Variants in UGT1A8 observed in about 807,000 individuals in gnomAD.
UGT1A8 encodes the protein UDP glucuronosyltransferase family 1 member A8.
In UGT1A8, 39 loss-of-function variants were observed where a neutral mutation model predicts 45.3. The observed-to-expected ratio is 0.86, with a 90% CI of 0.67 to 1.12. The LOEUF (loss-of-function observed/expected upper bound fraction) is 1.12. UGT1A8 is among the 50% of genes most tolerant of loss of function. The pLI is 0.00. For synonymous variants in UGT1A8, 275 were observed against 249.2 expected (o/e 1.10, Z -0.97); for missense variants, 719 against 664.9 (o/e 1.08, Z -0.90).
chr2:233,711,711 G>T (rs2076193469), intron 1 of UGT1A8, among the ~76,000 whole-genome samples: 1 of 152,232 alleles, frequency 6.6e-6, no homozygotes, highest in Admixed American at 6.5e-5. Context: ...CCTAAGGGAA[G>T]CCTCAGCTTC....
At chr2:233,766,980 A>G (rs1699299686) in intron 1 of UGT1A8, 54 bp from the exon 2 acceptor site, 14 of 1,612,720 alleles carry the variant, frequency 8.7e-6, no homozygotes, top group Non-Finnish European at 1.1e-5. Flanking sequence ...TACTGTATGT[A>G]GTCATCAAAG....
intron 1 of UGT1A8, chr2:233,690,772 CACAT>C (rs1408183947): frequency 4.5e-5 from 49 of 1,080,518 alleles, no homozygotes; most frequent in Admixed American, 2.5e-4. Flanking sequence ...CACACACACA[CACAT>C]ACACACACAC....
intron 1 of UGT1A8, chr2:233,754,496 G>T: frequency 2.8e-6 from 1 of 356,968 alleles, no homozygotes; most frequent in South Asian, 2.1e-5. Flanking sequence ...CCTAAAAAAA[G>T]TCCGCTATTC....
chr2:233,764,999 A>G (rs984767809), intron 1 of UGT1A8, among the ~76,000 whole-genome samples: 8 of 151,978 alleles, frequency 5.3e-5, no homozygotes, highest in Admixed American at 1.3e-4. Flanking sequence ...TTTCCTGGTC[A>G]TGTTCCAAAT....
At chr2:233,660,945 T>C (rs2073950365) in intron 1 of UGT1A8, among the ~76,000 whole-genome samples, 1 of 152,134 alleles carries the variant, frequency 6.6e-6, no homozygotes, top group South Asian at 2.1e-4. Context: ...TGCCATTAAA[T>C]TCTCCAGCTT....
intron 1 of UGT1A8, among the ~76,000 whole-genome samples, chr2:233,734,828 G>A (rs1303318660): frequency 6.6e-6 from 1 of 152,222 alleles, no homozygotes; most frequent in African/African-American, 2.4e-5. Flanking sequence ...GCGATTTTGA[G>A]TGAGTTTCTT....
At chr2:233,668,035 G>A (rs924754723) in intron 1 of UGT1A8, among the ~76,000 whole-genome samples, 6 of 149,228 alleles carry the variant, frequency 4.0e-5, no homozygotes, top group African/African-American at 5.0e-5. Flanking sequence ...TTCCCCTATT[G>A]CTAAATGTTA....
chr2:233,664,035 C>T (rs552312767), intron 1 of UGT1A8, among the ~76,000 whole-genome samples: 44 of 152,266 alleles, frequency 2.9e-4, no homozygotes, highest in Middle Eastern at 3.4e-3. Flanking sequence ...GCCAGATACC[C>T]TAGGTCATCA....
Position 233,769,781 on chromosome 2 carries a change from G to A in UGT1A8, c.1295+1342G>A. On this transcript the variant is annotated intron_variant, in intron 4 of 4. Coordinates refer to ENST00000373450, the MANE Select transcript of UGT1A8 (RefSeq NM_019076.5). The surrounding 1 kb of genome is among the most constrained non-coding windows in gnomAD (Gnocchi z 4.4). ...AAGGCGGGAGGATTGCTTGAGCCCAGAAGTTGGAGGCTGCTATGAGCCGTG... is the reference window on the plus strand; with the variant it reads ...AAGGCGGGAGGATTGCTTGAGCCCAAAAGTTGGAGGCTGCTATGAGCCGTG... 1 of 1,329,528 alleles carries A rather than the reference G, an allele frequency of 7.5e-7. No homozygotes were observed. The highest frequency in any genetic ancestry group is 9.9e-7 in the Non-Finnish European group (1 of 1,014,222). 82.4% of individuals were successfully genotyped at this position (1,329,528 alleles called of 1,614,324 possible). A position where few individuals can be genotyped will look rare whatever the true frequency, so the allele number is the denominator to read the frequency against.
At position 233,620,011 on chromosome 2, in the gene UGT1A8, C is replaced by G. The variant is rs569397845; in HGVS notation, c.855+1449C>G. On this transcript the variant is annotated intron_variant, in intron 1 of 4. Coordinates refer to ENST00000373450, the MANE Select transcript of UGT1A8 (RefSeq NM_019076.5). Reference sequence around the variant, plus strand: ...GCATAGTTGCTAAATCCAGATGAAACACCTGGTGTCTCATCTCATTATATT... The same window carrying G: ...GCATAGTTGCTAAATCCAGATGAAAGACCTGGTGTCTCATCTCATTATATT... Among the ~76,000 whole-genome samples, 40 of 152,240 alleles carry G rather than the reference C, an allele frequency of 2.6e-4. No homozygotes were observed. In the South Asian group the frequency reaches 8.1e-3, roughly 31 times the overall value.
At chr2:233,746,083 T>C (rs1367851746) in intron 1 of UGT1A8, among the ~76,000 whole-genome samples, 2 of 151,832 alleles carry the variant, frequency 1.3e-5, no homozygotes, top group Admixed American at 1.3e-4. Flanking sequence ...GAGTCACTTC[T>C]ATACAGAAAC....
At chr2:233,643,531 A>T (rs2073515833) in intron 1 of UGT1A8, among the ~76,000 whole-genome samples, 1 of 152,016 alleles carries the variant, frequency 6.6e-6, no homozygotes, top group Non-Finnish European at 1.5e-5. Context: ...AGCCCTCTTG[A>T]TGCTCTATCC....
At chr2:233,765,294 GAC>G (rs1698796099) in intron 1 of UGT1A8, among the ~76,000 whole-genome samples, 1 of 152,132 alleles carries the variant, frequency 6.6e-6, no homozygotes, top group Non-Finnish European at 1.5e-5. Flanking sequence ...CTACTATAAA[GAC>G]ACATGCACAT....
At chr2:233,661,623 T>TTTTCTTTCTTTCTTTTCTTTCTTTCTTTC (rs1265546183) in intron 1 of UGT1A8, among the ~76,000 whole-genome samples, 1,568 of 124,014 alleles carry the variant, frequency 0.013, 74 homozygotes, top group South Asian at 0.016. Flanking sequence ...ACTTACTGAA[T>TTTTCTTTCTTTCTTTTCTTTCTTTCTTTC]TTTCTTTCTT....
At chr2:233,647,932 A>G (rs1405412043) in intron 1 of UGT1A8, 44 of 1,604,464 alleles carry the variant, frequency 2.7e-5, no homozygotes, top group Non-Finnish European at 3.5e-5. Flanking sequence ...CTCACTGCCC[A>G]TGGATGGGAG....
chr2:233,680,102 C>A (rs929199534), intron 1 of UGT1A8, among the ~76,000 whole-genome samples: 1 of 152,016 alleles, frequency 6.6e-6, no homozygotes. Context: ...GCAATCATAG[C>A]GGCAGAGCTC....
chr2:233,657,825 C>A (rs529748955), intron 1 of UGT1A8, among the ~76,000 whole-genome samples: 21 of 152,108 alleles, frequency 1.4e-4, no homozygotes, highest in African/African-American at 5.1e-4. Context: ...CAGGTCTATG[C>A]CACTTTTTAA....
At chr2:233,621,378 G>C (rs988074502) in intron 1 of UGT1A8, among the ~76,000 whole-genome samples, 1 of 152,012 alleles carries the variant, frequency 6.6e-6, no homozygotes, top group Non-Finnish European at 1.5e-5. Context: ...AAAAGAATTC[G>C]GGCTTCGTCT....
chr2:233,693,756 C>T, intron 1 of UGT1A8: 1 of 1,614,248 alleles, frequency 6.2e-7, no homozygotes, highest in Admixed American at 1.7e-5. Context: ...CAGAAGGTCT[C>T]TGTTTGGCTG....
Sources: gnomAD v4.1 joint callset for allele counts (sites outside exome capture counted in the v4.1 genomes callset) on GRCh38, gnomAD v4.1.1 for gene constraint, Gnocchi (gnomAD v3.1) non-coding constraint, MANE v1.5 for transcripts, NCBI Gene and HGNC (gene_info 2026-07-23, HGNC 2026-07-21) for gene names.